The following CSNK1G2 variants were observed in gnomAD, a reference collection of about 807,000 sequenced individuals.
The protein encoded by CSNK1G2 is casein kinase I isoform gamma-2.
CSNK1G2 carries 11 observed loss-of-function variants against 48.0 expected under a neutral mutation model. The ratio of observed to expected loss-of-function variants is 0.23; its 90% CI spans 0.14 to 0.38. The LOEUF (loss-of-function observed/expected upper bound fraction) is 0.38, where lower values mean the gene tolerates loss of function less well. CSNK1G2 is among the 10% of genes least tolerant of loss of function. The pLI is 1.00. For synonymous variants in CSNK1G2, 337 were observed against 254.1 expected (o/e 1.33, Z -3.10); for missense variants, 446 against 595.5 (o/e 0.75, Z 2.61).
In CSNK1G2 at chr19:1,954,247, T is replaced by A. The variant is rs377665298; in HGVS notation, c.-266+12829T>A. On this transcript the variant is annotated intron_variant, in intron 1 of 11. Coordinates refer to ENST00000255641, the MANE Select transcript of CSNK1G2 (RefSeq NM_001319.7). ...CTGCCCTGCGTCACTGGGCTGGGCC[T>A]GGCCCCGCTCTGCTGTGGCCCTGGC... is the stretch of plus-strand genomic sequence containing the variant. The A allele has an allele frequency of 1.9e-5, 6 of 319,846 alleles. No individual in the cohort carries two copies. The East Asian group carries it at 4.8e-4, about 25-fold the overall frequency. The allele number at this position is 319,846 out of a possible 1,614,324, so 19.8% of individuals were successfully genotyped here.
intron 2 of CSNK1G2, chr19:1,975,400 G>T (rs557988932): frequency 1.0e-6 from 1 of 985,474 alleles, no homozygotes; most frequent in African/African-American, 1.7e-5. Context: ...ACGGCTGCCC[G>T]CAGGAAGAGC....
chr19:1,977,987 T>G (rs1283924100), intron 2 of CSNK1G2, among the ~76,000 whole-genome samples: 1 of 139,386 alleles, frequency 7.2e-6, no homozygotes, highest in Non-Finnish European at 1.6e-5. Context: ...GTGGAGCCCT[T>G]GGGGCTGCCT....
At position 1,979,151 on chromosome 19, in the gene CSNK1G2, C is replaced by T. The variant is rs2015875371; in HGVS notation, c.683-12C>T. The T allele has an allele frequency of 1.3e-6, 2 of 1,533,550 alleles. No individual in the cohort carries two copies. The highest frequency in any genetic ancestry group is 8.8e-7 in the Non-Finnish European group (1 of 1,142,426). 95.0% of individuals were successfully genotyped at this position (1,533,550 alleles called of 1,614,324 possible). On this transcript the variant is annotated splice_polypyrimidine_tract_variant and intron_variant, in intron 6 of 11. Coordinates refer to ENST00000255641, the MANE Select transcript of CSNK1G2 (RefSeq NM_001319.7). ...CCCGGACCCCGCTGAGGCTGCGCCC[C>T]TGTCCCCGCAGAGCAGAGCCGCCGC...
At position 1,978,503 on chromosome 19, in the gene CSNK1G2, G is replaced by A; in HGVS notation, c.290G>A (p.Ser97Asn). 6.3e-7 allele frequency: 1 copy of A among 1,592,142 alleles called. No individual in the cohort carries two copies. The highest frequency in any genetic ancestry group is 8.5e-7 in the Non-Finnish European group (1 of 1,170,358). The stretch of plus-strand genomic sequence containing the variant: ...GAGTACCGGTTCTACAAGCAGCTCA[G>A]CGCCACAGGTACCGGGCGGCCCGCG... ...HLEYRFYKQL[S>N]ATEGVPQVYY... Residue 97 changes from serine (S) to asparagine (N), a missense_variant, in exon 4 of 12, where the codon AGC becomes AAC. Physicochemically the swap from Ser to Asn is conservative, Grantham distance 46. This residue lies in a region of CSNK1G2 where 258 missense variants were observed against 415.9 expected (regional missense o/e 0.62). Coordinates refer to ENST00000255641, the MANE Select transcript of CSNK1G2 (RefSeq NM_001319.7). This position sits in a 1 kb window ranked among gnomAD's most constrained non-coding sequence, Gnocchi z 7.3.
chr19:1,971,254 C>T (rs1410169361), intron 2 of CSNK1G2, among the ~76,000 whole-genome samples: 2 of 152,190 alleles, frequency 1.3e-5, no homozygotes, highest in Non-Finnish European at 2.9e-5. Context: ...ACCCAGGGCC[C>T]CAGGAGGCCG....
chr19:1,963,632 C>T (rs1043307030), intron 1 of CSNK1G2, among the ~76,000 whole-genome samples: 22 of 149,920 alleles, frequency 1.5e-4, no homozygotes, highest in Non-Finnish European at 2.1e-4. Flanking sequence ...CTCAGCCTCC[C>T]GAGTAGCTGG....
intron 1 of CSNK1G2, among the ~76,000 whole-genome samples, chr19:1,951,891 A>AAGATGGTCTCG (rs2014777255): frequency 6.6e-6 from 1 of 152,114 alleles, no homozygotes; most frequent in East Asian, 1.9e-4. Flanking sequence ...CGTGTTAGCG[A>AAGATGGTCTCG]AGATGGTCTC....
chr19:1,962,718 C>T (rs1448605945), intron 1 of CSNK1G2, among the ~76,000 whole-genome samples: 1 of 152,032 alleles, frequency 6.6e-6, no homozygotes. Flanking sequence ...AAGTCAGACC[C>T]CCGGGAGCGG....
intron 2 of CSNK1G2, among the ~76,000 whole-genome samples, chr19:1,971,537 G>A: frequency 6.6e-6 from 1 of 152,208 alleles, no homozygotes; most frequent in South Asian, 2.1e-4. Flanking sequence ...ATGCACATGT[G>A]CACACTAAAG....
chr19:1,948,392 A>G (rs960619608), intron 1 of CSNK1G2, among the ~76,000 whole-genome samples: 33 of 152,150 alleles, frequency 2.2e-4, no homozygotes, highest in African/African-American at 7.2e-4. Context: ...GCGCGGTGGC[A>G]GGCGCCTGTA....
chr19:1,968,556 A>AGGCTCTGGGGCCCTC (rs1303313536), intron 1 of CSNK1G2, among the ~76,000 whole-genome samples: 2 of 152,192 alleles, frequency 1.3e-5, no homozygotes, highest in Non-Finnish European at 2.9e-5. Flanking sequence ...GGGTGGCAAC[A>AGGCTCTGGGGCCCTC]GGCTCTGGGG....
rs56119356 is a variant in CSNK1G2 at position 1,978,957 on chromosome 19, T to C, written c.546T>C (p.His182=). The C allele has an allele frequency of 8.1e-6, 13 of 1,601,070 alleles. No homozygotes were observed. Among genetic ancestry groups the C allele is most frequent in the Non-Finnish European group, 1.0e-5 (12 of 1,179,664 alleles). ...LVGRPGTKRQ[H]AIHIIDFGLA... is the part of the protein sequence containing the mutation. Reference sequence around the variant, plus strand: ...GCCGCCCGGGGACCAAGCGGCAGCATGCCATCCACATCATCGACTTCGGGC... The same window carrying C: ...GCCGCCCGGGGACCAAGCGGCAGCACGCCATCCACATCATCGACTTCGGGC... The change falls in exon 6 of 12, where the codon CAT becomes CAC. Residue 182 remains histidine (H), a synonymous_variant. Transcript: ENST00000255641. This position sits in a 1 kb window ranked among gnomAD's most constrained non-coding sequence, Gnocchi z 7.3.
At chr19:1,964,939 G>T (rs1297359537) in intron 1 of CSNK1G2, among the ~76,000 whole-genome samples, 1 of 151,048 alleles carries the variant, frequency 6.6e-6, no homozygotes, top group African/African-American at 2.4e-5. Context: ...TATTAGCCAG[G>T]ATGGTCTCGA....
intron 1 of CSNK1G2, among the ~76,000 whole-genome samples, chr19:1,956,140 G>A (rs1350547939): frequency 6.6e-6 from 1 of 152,196 alleles, no homozygotes; most frequent in African/African-American, 2.4e-5. Context: ...CAGGACCTGA[G>A]AGGTGATGGT....
At chr19:1,948,178 C>T (rs544640552) in intron 1 of CSNK1G2, among the ~76,000 whole-genome samples, 17 of 152,344 alleles carry the variant, frequency 1.1e-4, no homozygotes, top group African/African-American at 3.6e-4. Context: ...CTGTCCCTCC[C>T]CCTCTCATCC....
Position 1,979,997 on chromosome 19 carries a change from G to A in CSNK1G2, c.1173G>A (p.Val391=). Reference sequence around the variant, plus strand: ...CCCCGATCACAGCGCCTGCAGAGGTGGAGGTGGCCGATGAAACCAAGTAAG... The same window carrying A: ...CCCCGATCACAGCGCCTGCAGAGGTAGAGGTGGCCGATGAAACCAAGTAAG... ...SNAPITAPAE[V]EVADETKCCC... The change falls in exon 11 of 12, where the codon GTG becomes GTA. Residue 391 remains valine, a synonymous_variant. Coordinates refer to ENST00000255641, the MANE Select transcript of CSNK1G2 (RefSeq NM_001319.7). 1 of 1,580,502 alleles carries A rather than the reference G, an allele frequency of 6.3e-7. No homozygotes were observed. Among genetic ancestry groups the A allele is most frequent in the Non-Finnish European group, 8.6e-7 (1 of 1,162,726 alleles).
intron 1 of CSNK1G2, among the ~76,000 whole-genome samples, chr19:1,947,457 C>T (rs528559590): frequency 2.0e-5 from 3 of 152,376 alleles, no homozygotes; most frequent in African/African-American, 2.4e-5. Flanking sequence ...TTGTGCCCCT[C>T]GGGCTTCTGC....
At chr19:1,953,276 A>C (rs2014846264) in intron 1 of CSNK1G2, 1 of 443,350 alleles carries the variant, frequency 2.3e-6, no homozygotes, top group Non-Finnish European at 4.6e-6. Context: ...AGACCAGGTC[A>C]GCTCTGCCCC....
rs1248646223 is a variant in CSNK1G2 at position 1,975,317 on chromosome 19, C to T, written c.188-2988C>T. 6 of 985,354 alleles carry T rather than the reference C, an allele frequency of 6.1e-6. No homozygotes were observed. In the African/African-American group the frequency reaches 1.0e-4, roughly 17 times the overall value. 61.0% of individuals were successfully genotyped at this position (985,354 alleles called of 1,614,324 possible). A position where few individuals can be genotyped will look rare whatever the true frequency, so the allele number is the denominator to read the frequency against. ...GTGTAGCACACAGGCGAGGGCTTGT[C>T]CTCCTCAGCCTGGGGGAGCGCAGCT... On this transcript the variant is annotated intron_variant, in intron 2 of 11. Transcript: ENST00000255641.
Sources: allele counts gnomAD v4.1 joint callset (sites outside exome capture counted in the v4.1 genomes callset), GRCh38; gene constraint gnomAD v4.1.1; regional missense constraint gnomAD v4.1.1; non-coding constraint Gnocchi (gnomAD v3.1); transcripts MANE v1.5; gene names NCBI Gene and HGNC (gene_info 2026-07-23, HGNC 2026-07-21).